The following TBX1 variants were observed in gnomAD, a reference collection of about 807,000 sequenced individuals.
The protein encoded by TBX1 is T-box transcription factor 1.
A neutral mutation model predicts 40.8 loss-of-function variants in TBX1; 16 were observed. The observed-to-expected ratio is 0.39, with a 90% CI of 0.27 to 0.60. TBX1 has a LOEUF of 0.60. Ranked by LOEUF, TBX1 falls within the 20% of genes least tolerant of loss-of-function variation. The pLI, the probability that TBX1 is intolerant of heterozygous loss-of-function variation, is 0.51. For missense variants in TBX1, 755 were observed against 728.5 expected (o/e 1.04, Z -0.42); for synonymous variants, 403 against 336.8 (o/e 1.20, Z -2.15).
At chr22:19,764,870 A>T in intron 3 of TBX1, 88 bp from the exon 4 acceptor site, 1 of 1,532,458 alleles carries the variant, frequency 6.5e-7, no homozygotes, top group Non-Finnish European at 9.0e-7. Flanking sequence ...CTCATTGCCA[A>T]CTCAGACCTC....
downstream of TBX1, among the ~76,000 whole-genome samples, chr22:19,769,595 C>T (rs1031976614): frequency 2.0e-5 from 3 of 152,244 alleles, no homozygotes; most frequent in South Asian, 4.1e-4. Flanking sequence ...ATTGCCTGCC[C>T]GCTGCGGGGG....
upstream of TBX1, chr22:19,759,520 C>A: frequency 6.5e-7 from 1 of 1,534,554 alleles, no homozygotes; most frequent in Non-Finnish European, 8.7e-7. Context: ...CGCTGTCTCC[C>A]CGAGCCAGTG....
intron 8 of TBX1, among the ~76,000 whole-genome samples, chr22:19,774,181 G>A (rs765285825): frequency 7.9e-5 from 12 of 152,348 alleles, no homozygotes; most frequent in Non-Finnish European, 1.2e-4. Flanking sequence ...CTTCTGTGGG[G>A]AACAGTGTCA....
At chr22:19,760,293 C>A (rs1601281259), upstream of TBX1, among the ~76,000 whole-genome samples, 1 of 138,852 alleles carries the variant, frequency 7.2e-6, no homozygotes. Context: ...AAAAGAAAGA[C>A]AAAGAATGAT....
downstream of TBX1, among the ~76,000 whole-genome samples, chr22:19,782,414 GTC>G (rs1937150984): frequency 1.3e-5 from 2 of 152,200 alleles, no homozygotes; most frequent in East Asian, 3.9e-4. Context: ...TTAATGCTGA[GTC>G]TCTTTTGATA....
At chr22:19,762,377 G>A (rs183747140) in intron 1 of TBX1, among the ~76,000 whole-genome samples, 5 of 152,386 alleles carry the variant, frequency 3.3e-5, no homozygotes, top group Non-Finnish European at 5.9e-5. Flanking sequence ...AGTTGCTTGT[G>A]AGGGGAGGCA....
At position 19,766,209 on chromosome 22, in the gene TBX1, C is replaced by T. The variant is rs1250034869; in HGVS notation, c.1037-180C>T. 7.3e-6 allele frequency: 7 copies of T among 961,722 alleles called. No homozygotes were observed. In the African/African-American group the frequency reaches 8.8e-5, roughly 12 times the overall value. The allele number at this position is 961,722 out of a possible 1,614,324, so 59.6% of individuals were successfully genotyped here. ...GCCGCCGCCGCCGCCCGCAGAGGGGCGCGGGCCCCGGGGAGGGCTCGGGGC... is the reference window on the plus strand; with the variant it reads ...GCCGCCGCCGCCGCCCGCAGAGGGGTGCGGGCCCCGGGGAGGGCTCGGGGC... On this transcript the variant is annotated intron_variant, in intron 6 of 6. Transcript: ENST00000649276.
Position 19,764,139 on chromosome 22 carries a change from C to T in TBX1, c.540-16C>T, listed in dbSNP as rs200786105. On this transcript the variant is annotated splice_polypyrimidine_tract_variant and intron_variant, in intron 2 of 6. Coordinates refer to ENST00000649276, the MANE Select transcript of TBX1 (RefSeq NM_001379200.1). ...GTTCACCTCCACATGCACGACCCCA[C>T]CCCGTGCCGCTCCAGGTACGCCTTC... The T allele has an allele frequency of 3.1e-4, 504 of 1,612,576 alleles. 1 individual carries two copies. Among genetic ancestry groups the T allele is most frequent in the Middle Eastern group, 8.4e-4 (5 of 5,922 alleles).
At position 19,763,334 on chromosome 22, in the gene TBX1, G is replaced by A; in HGVS notation, c.531G>A (p.Lys177=). The change falls in exon 2 of 7, where the codon AAG becomes AAA. Residue 177 remains lysine (K), a synonymous_variant. Transcript: ENST00000649276. ...LLMDFVPVDD[K]RYRYAFHSSS... ...TGGACTTCGTGCCGGTGGACGATAA[G>A]CGCTACCGGTGAGCGAGTGGTTGTA... 6.2e-7 allele frequency: 1 copy of A among 1,614,078 alleles called. No individual in the cohort carries two copies. Among genetic ancestry groups the A allele is most frequent in the Non-Finnish European group, 8.5e-7 (1 of 1,179,942 alleles).
chr22:19,759,482 C>A, upstream of TBX1: 3 of 1,445,580 alleles, frequency 2.1e-6, no homozygotes, highest in Non-Finnish European at 2.7e-6. Context: ...CCGGCCAGGC[C>A]GCCGGGCGCC....
downstream of TBX1, among the ~76,000 whole-genome samples, chr22:19,772,171 C>T (rs1018122963): frequency 6.7e-6 from 1 of 150,214 alleles, no homozygotes; most frequent in Non-Finnish European, 1.5e-5. Flanking sequence ...GGCACAATCT[C>T]AGTTCACTGC....
chr22:19,759,638 G>T (rs775957254), upstream of TBX1: 5 of 1,612,310 alleles, frequency 3.1e-6, no homozygotes, highest in South Asian at 5.5e-5. Flanking sequence ...AGGATCCCCG[G>T]CAGGGATGCA....
chr22:19,762,147 C>T (rs1243697790), intron 1 of TBX1, among the ~76,000 whole-genome samples: 1 of 152,218 alleles, frequency 6.6e-6, no homozygotes, highest in African/African-American at 2.4e-5. Flanking sequence ...TTTTCCAGGC[C>T]CTCCTTGCTG....
chr22:19,780,973 G>C (rs1430615589), downstream of TBX1, among the ~76,000 whole-genome samples: 1 of 151,876 alleles, frequency 6.6e-6, no homozygotes, highest in Non-Finnish European at 1.5e-5. Flanking sequence ...TAGTAGAGAC[G>C]GGGTTTTACC....
At position 19,765,839 on chromosome 22, in the gene TBX1, C is replaced by T. The variant is rs1569022811; in HGVS notation, c.935+14C>T. ...CCCTGAGGACTGGTGAGTGTCCTCC[C>T]CCGAGAGAGTGAGCGCCGGGCGCCT... On this transcript the variant is annotated intron_variant, in intron 5 of 6. Transcript: ENST00000649276. The T allele has an allele frequency of 2.5e-6, 4 of 1,596,722 alleles. No individual in the cohort carries two copies. Among genetic ancestry groups the T allele is most frequent in the Admixed American group, 1.7e-5 (1 of 57,764 alleles).
intron 2 of TBX1, among the ~76,000 whole-genome samples, chr22:19,763,935 G>T (rs909299407): frequency 1.1e-4 from 16 of 152,236 alleles, no homozygotes; most frequent in African/African-American, 3.4e-4. Flanking sequence ...GCCCCACAGG[G>T]TGTCCAGTTC....
chr22:19,766,661 G>T lies in TBX1; in HGVS notation c.1309G>T (p.Gly437Trp), dbSNP rs1458962515. 32 of 1,551,836 alleles carry T rather than the reference G, an allele frequency of 2.1e-5. No homozygotes were observed. The highest frequency in any genetic ancestry group is 2.8e-5 in the African/African-American group (2 of 70,986). Reference protein sequence around the residue: ...YPAAAYDHYLGAKSRPAPYPL... With the variant: ...YPAAAYDHYLWAKSRPAPYPL... Reference sequence around the variant, plus strand: ...GGCCGCCGCCTACGACCACTATCTCGGGGCCAAGAGCCGGCCGGCGCCCTA... The same window carrying T: ...GGCCGCCGCCTACGACCACTATCTCTGGGCCAAGAGCCGGCCGGCGCCCTA... Residue 437 changes from glycine to tryptophan, a missense_variant, in exon 7 of 7, where the codon GGG (glycine) becomes TGG (tryptophan). By Grantham distance (184) the Gly-to-Trp change is radical. Around this residue, in one of 3 missense-constraint regions of TBX1, gnomAD observed 412 missense variants for 317.6 expected, o/e 1.30. Transcript: ENST00000649276.
At chr22:19,783,155 G>T (rs2145854315), downstream of TBX1, 1 of 699,032 alleles carries the variant, frequency 1.4e-6, no homozygotes, top group Admixed American at 2.0e-5. Context: ...TAGACAAACT[G>T]CTCAGCCCAG....
At chr22:19,763,553 C>A (rs1936736315) in intron 2 of TBX1, 1 of 593,802 alleles carries the variant, frequency 1.7e-6, no homozygotes, top group Non-Finnish European at 3.0e-6. Flanking sequence ...GCCTCTGGAG[C>A]CGCAGGCTGC....
Sources: allele counts gnomAD v4.1 joint callset (sites outside exome capture counted in the v4.1 genomes callset), GRCh38; gene constraint gnomAD v4.1.1; regional missense constraint gnomAD v4.1.1; transcripts MANE v1.5; gene names NCBI Gene and HGNC (gene_info 2026-07-23, HGNC 2026-07-21).